The following DOC2B variants were observed in gnomAD, a reference collection of about 807,000 sequenced individuals.
The protein encoded by DOC2B is double C2-like domain-containing protein beta.
Under a neutral mutation model 28.9 loss-of-function variants are expected in DOC2B, and 21 were observed. The ratio of observed to expected loss-of-function variants is 0.73; its 90% CI spans 0.52 to 1.05. The LOEUF is 1.05. Among genes scored for constraint, DOC2B ranks in the 50% least tolerant of loss-of-function variants. DOC2B has a pLI of 0.00. For synonymous variants in DOC2B, 194 were observed against 178.1 expected, an observed-to-expected ratio of 1.09 and a Z score of -0.71; for missense variants, 384 against 421.1, an observed-to-expected ratio of 0.91 and a Z score of 0.77.
rs1338124847 is a variant in DOC2B, at chr17:143,181, ATT to A, written c.*4258_*4259del. On this transcript the variant is annotated 3_prime_UTR_variant, in exon 9 of 9. Transcript: ENST00000613549. ...ACCAGCCGTGTGATTCTGTAAAAGT[ATT>A]TTAACCTCTCTGGGCCTTAGTTTCC... The A allele has an allele frequency of 6.6e-6, 1 of 152,100 alleles. No homozygotes were observed. The highest frequency in any genetic ancestry group is 2.4e-5 in the African/African-American group (1 of 41,414). The allele number at this position is 152,100 out of a possible 1,614,324, so 9.4% of individuals were successfully genotyped here.
rs541900251 is a variant in DOC2B, at chr17:161,485, C to A, written c.695G>T (p.Arg232Leu). ...GGGTTTCAGCTTCTTCAGGGGCACA[C>A]GTGTCTCCCCGATGAACTCATTGTG... is the stretch of plus-strand genomic sequence containing the variant. ...FRHNEFIGET[R>L]VPLKKLKPNH... The change falls in exon 5 of 9, where the codon CGT (arginine) becomes CTT (leucine). Residue 232 changes from arginine to leucine, a missense_variant. By Grantham distance (102) the Arg-to-Leu change is moderately radical. Coordinates refer to ENST00000613549, the MANE Select transcript of DOC2B (RefSeq NM_003585.5). 6.4e-7 allele frequency: 1 copy of A among 1,551,738 alleles called. No homozygotes were observed. Among genetic ancestry groups the A allele is most frequent in the Admixed American group, 2.0e-5 (1 of 51,018 alleles).
intron 6 of DOC2B, 117 bp downstream of exon 6, chr17:156,103 C>T (rs1023033440): frequency 4.2e-6 from 5 of 1,196,848 alleles, no homozygotes; most frequent in Admixed American, 2.9e-5. Context: ...GAACACAGCG[C>T]CCCTGTACCT....
intron 1 of DOC2B, among the ~76,000 whole-genome samples, chr17:177,674 C>CAG (rs2040386226): frequency 6.6e-6 from 1 of 152,262 alleles, no homozygotes; most frequent in Non-Finnish European, 1.5e-5. Flanking sequence ...GGTTGCCTCT[C>CAG]AGCATTCTTG....
chr17:156,010 A>G (rs2040130803), intron 6 of DOC2B: 1 of 579,714 alleles, frequency 1.7e-6, no homozygotes, highest in South Asian at 2.3e-5. Flanking sequence ...GAAGCCACTC[A>G]GCTTCTCTGT....
At chr17:173,634 G>A (rs1230888066) in intron 1 of DOC2B, among the ~76,000 whole-genome samples, 1 of 152,220 alleles carries the variant, frequency 6.6e-6, no homozygotes, top group Non-Finnish European at 1.5e-5. Flanking sequence ...GGTGAGCCGG[G>A]AGCCATGGGG....
In DOC2B at chr17:156,302, G is replaced by C. The variant is rs1401146742; in HGVS notation, c.841C>G (p.Gln281Glu). The C allele has an allele frequency of 1.3e-6, 2 of 1,551,532 alleles. No individual in the cohort carries two copies. Among genetic ancestry groups the C allele is most frequent in the African/African-American group, 2.7e-5 (2 of 73,074 alleles). ...CGCACGATGCCTACCAGCAGGCCTT[G>C]CTTCTGTGAGCTGTACTTGAGGGAG... Reference protein sequence around the residue: ...LISLKYSSQKQGLLVGIVRCA... With the variant: ...LISLKYSSQKEGLLVGIVRCA... Residue 281 changes from glutamine to glutamate, a missense_variant, in exon 6 of 9, where the codon CAA becomes GAA. Gln to Glu is a conservative substitution (Grantham distance 29, BLOSUM62 2). Transcript: ENST00000613549.
intron 2 of DOC2B, among the ~76,000 whole-genome samples, chr17:170,405 G>A (rs1404594724): frequency 6.6e-6 from 1 of 152,178 alleles, no homozygotes; most frequent in African/African-American, 2.4e-5. Flanking sequence ...TGGGCTGGGG[G>A]ACAGCCTGGG....
At chr17:153,320 C>T (rs2151460139) in intron 6 of DOC2B, among the ~76,000 whole-genome samples, 1 of 152,348 alleles carries the variant, frequency 6.6e-6, no homozygotes, top group East Asian at 1.9e-4. Flanking sequence ...TCTGTCACAG[C>T]AGGTAAGACT....
intron 2 of DOC2B, among the ~76,000 whole-genome samples, chr17:164,810 C>T (rs1253055690): frequency 1.3e-5 from 2 of 152,200 alleles, no homozygotes; most frequent in East Asian, 1.9e-4. Context: ...CAGAGAGGGG[C>T]TTTGCTGACC....
intron 1 of DOC2B, among the ~76,000 whole-genome samples, chr17:177,830 G>A (rs2040388409): frequency 6.6e-6 from 1 of 152,266 alleles, no homozygotes; most frequent in Non-Finnish European, 1.5e-5. Context: ...CATGGGGGCT[G>A]GAATATGCCC....
intron 5 of DOC2B, among the ~76,000 whole-genome samples, chr17:159,104 C>A (rs1415967617): frequency 6.6e-6 from 1 of 150,988 alleles, no homozygotes; most frequent in African/African-American, 2.4e-5. Context: ...AGGGGTGGGA[C>A]ATTGTACTTC....
At chr17:156,505 G>T in intron 5 of DOC2B, 128 bp from the exon 6 acceptor site, 1 of 999,504 alleles carries the variant, frequency 1.0e-6, no homozygotes, top group African/African-American at 1.6e-5. Context: ...CCTGGTGAGT[G>T]GCCTCACTGT....
At chr17:148,329 A>C (rs2151457321) in intron 7 of DOC2B, 60 bp from the exon 8 acceptor site, 1 of 398,600 alleles carries the variant, frequency 2.5e-6, no homozygotes, top group African/African-American at 2.1e-5. Flanking sequence ...GCCGGGGGCC[A>C]GGAGGGGTAT....
chr17:148,430 G>A (rs1409667816), intron 7 of DOC2B, among the ~76,000 whole-genome samples, 161 bp from the exon 8 acceptor site: 1 of 152,086 alleles, frequency 6.6e-6, no homozygotes, highest in Non-Finnish European at 1.5e-5. Flanking sequence ...TTCCCCCTGA[G>A]CTCCACTGGG....
At chr17:163,868 G>C in intron 3 of DOC2B, 1 of 430,712 alleles carries the variant, frequency 2.3e-6, no homozygotes, top group Non-Finnish European at 4.2e-6. Context: ...ATTCTCCAGG[G>C]GTTTCCCCAG....
intron 6 of DOC2B, chr17:155,984 A>G (rs543887109): frequency 2.4e-4 from 134 of 549,060 alleles, no homozygotes; most frequent in African/African-American, 2.3e-3. Context: ...GATAACTAAT[A>G]CCTGCATGAC....
intron 7 of DOC2B, among the ~76,000 whole-genome samples, chr17:148,713 C>A (rs2040041541): frequency 6.6e-6 from 1 of 152,114 alleles, no homozygotes; most frequent in African/African-American, 2.4e-5. Flanking sequence ...GGCCCCTCTG[C>A]TCTTCTTTCC....
intron 6 of DOC2B, among the ~76,000 whole-genome samples, chr17:153,470 G>A (rs1200615663): frequency 6.6e-6 from 1 of 152,188 alleles, no homozygotes; most frequent in East Asian, 1.9e-4. Flanking sequence ...TGGGAGGCCA[G>A]GGTGGGTGGA....
intron 5 of DOC2B, 97 bp downstream of exon 5, chr17:161,318 C>T: frequency 7.7e-7 from 1 of 1,295,676 alleles, no homozygotes; most frequent in Non-Finnish European, 1.1e-6. Flanking sequence ...CCCTCTCACT[C>T]TGCCCCTCAT....
Sources: gnomAD v4.1 joint callset for allele counts (sites outside exome capture counted in the v4.1 genomes callset) on GRCh38, gnomAD v4.1.1 for gene constraint, MANE v1.5 for transcripts, NCBI Gene and HGNC (gene_info 2026-07-23, HGNC 2026-07-21) for gene names.